The following ADGRL4 variants were observed in gnomAD, a reference collection of about 807,000 sequenced individuals.
The protein encoded by ADGRL4 is EGF, latrophilin and seven transmembrane domain containing 1.
ADGRL4 carries 90 observed loss-of-function variants against 74.8 expected under a neutral mutation model. The observed-to-expected ratio is 1.20, with a 90% CI of 1.02 to 1.43. ADGRL4 has a LOEUF of 1.43. Among genes scored for constraint, ADGRL4 ranks in the 40% most tolerant of loss-of-function variants. The pLI is 0.00. For synonymous variants in ADGRL4, 311 were observed against 279.2 expected (o/e 1.11, Z -1.14); for missense variants, 881 against 814.3 (o/e 1.08, Z -1.00).
rs140382409 is a variant in ADGRL4 at position 78,907,616 on chromosome 1, T to C, written c.1749+10018A>G. Among the ~76,000 whole-genome samples the C allele has an allele frequency of 5.3e-3, 809 of 152,122 alleles. 11 individuals carry two copies. Among genetic ancestry groups the C allele is most frequent in the Non-Finnish European group, 8.5e-3 (580 of 67,976 alleles). ...AACAATGAGACTTATTATGGACTAA[T>C]GAATCAAGCGGGACTTTCCTTGGAA... is the stretch of plus-strand genomic sequence containing the variant. On this transcript the variant is annotated intron_variant, in intron 12 of 14. Coordinates refer to ENST00000370742, the MANE Select transcript of ADGRL4 (RefSeq NM_022159.4).
chr1:78,982,028 G>A (rs1650406289), intron 2 of ADGRL4, among the ~76,000 whole-genome samples: 1 of 151,578 alleles, frequency 6.6e-6, no homozygotes, highest in African/African-American at 2.4e-5. Flanking sequence ...AATACATGTT[G>A]GTAGTTCGCT....
At chr1:78,988,640 T>A (rs1650543959) in intron 2 of ADGRL4, among the ~76,000 whole-genome samples, 1 of 151,800 alleles carries the variant, frequency 6.6e-6, no homozygotes, top group Non-Finnish European at 1.5e-5. Context: ...ATTCCAGTCA[T>A]CCCTCTCAAC....
intron 12 of ADGRL4, among the ~76,000 whole-genome samples, chr1:78,906,697 A>T (rs972748663): frequency 2.0e-5 from 3 of 152,040 alleles, no homozygotes; most frequent in African/African-American, 7.2e-5. Flanking sequence ...AGAGGTTAGT[A>T]AGAATCAAAC....
chr1:78,908,020 C>T (rs539402178), intron 12 of ADGRL4, among the ~76,000 whole-genome samples: 8 of 152,090 alleles, frequency 5.3e-5, no homozygotes, highest in African/African-American at 1.9e-4. Context: ...AGAAAGAAAT[C>T]AAGACCAAGC....
intron 2 of ADGRL4, among the ~76,000 whole-genome samples, chr1:78,968,237 G>C (rs1416935486): frequency 6.6e-6 from 1 of 151,876 alleles, no homozygotes; most frequent in Non-Finnish European, 1.5e-5. Flanking sequence ...TCCAACTGTG[G>C]GAGTTCAGTC....
rs566584588 is a variant in ADGRL4, at chr1:78,898,317, T to C, written c.1750-5128A>G. Among the ~76,000 whole-genome samples the C allele has an allele frequency of 1.2e-4, 19 of 152,076 alleles. 1 individual carries two copies. Among genetic ancestry groups the C allele is most frequent in the African/African-American group, 4.6e-4 (19 of 41,508 alleles). On this transcript the variant is annotated intron_variant, in intron 12 of 14. Transcript: ENST00000370742. ...GTAAATCTTTAAAATGTAAGAAAAATCATTGGTATTCATCTGAATTAAGAA... is the reference window on the plus strand; with the variant it reads ...GTAAATCTTTAAAATGTAAGAAAAACCATTGGTATTCATCTGAATTAAGAA...
chr1:78,973,518 A>T (rs975237444), intron 2 of ADGRL4, among the ~76,000 whole-genome samples: 1 of 147,348 alleles, frequency 6.8e-6, no homozygotes, highest in Non-Finnish European at 1.5e-5. Context: ...ATAAAATGTA[A>T]CACACGCAAA....
chr1:78,965,143 T>TA (rs1428455237), intron 2 of ADGRL4, among the ~76,000 whole-genome samples: 1 of 152,178 alleles, frequency 6.6e-6, no homozygotes, highest in Non-Finnish European at 1.5e-5. Flanking sequence ...AGAGTTCTAG[T>TA]AAAATGCAAA....
At chr1:78,974,894 T>C (rs1478464945) in intron 2 of ADGRL4, among the ~76,000 whole-genome samples, 3 of 152,172 alleles carry the variant, frequency 2.0e-5, no homozygotes, top group Non-Finnish European at 2.9e-5. Context: ...TAGTTAGCAA[T>C]CTTAATTCCA....
At chr1:78,984,952 G>A (rs1410266297) in intron 2 of ADGRL4, among the ~76,000 whole-genome samples, 1 of 151,592 alleles carries the variant, frequency 6.6e-6, no homozygotes, top group Non-Finnish European at 1.5e-5. Context: ...ATGGCAAATG[G>A]TCAACTAGTA....
At chr1:78,948,097 C>T (rs1199131587) in intron 2 of ADGRL4, among the ~76,000 whole-genome samples, 2 of 152,206 alleles carry the variant, frequency 1.3e-5, no homozygotes, top group Admixed American at 1.3e-4. Flanking sequence ...TTTGTGGCAT[C>T]AGATAGCTTT....
At chr1:79,006,587 T>C in intron 1 of ADGRL4, 46 bp downstream of exon 1, 1 of 1,532,664 alleles carries the variant, frequency 6.5e-7, no homozygotes, top group Non-Finnish European at 8.8e-7. Context: ...CTACAAGGGA[T>C]TGGTCCCTCC....
intron 2 of ADGRL4, among the ~76,000 whole-genome samples, chr1:78,963,743 G>A (rs1650000617): frequency 6.6e-6 from 1 of 151,854 alleles, no homozygotes; most frequent in African/African-American, 2.4e-5. Flanking sequence ...ATGTATACAT[G>A]GTAAAAATCA....
At position 78,917,876 on chromosome 1, in the gene ADGRL4, C is replaced by T. The variant is rs1648911326; in HGVS notation, c.1636G>A (p.Gly546Arg). ...FGYLSPAVVV[G>R]FSAALGYRYY... Reference sequence around the variant, plus strand: ...CTGTATCCTAGTGCTGCCGAAAATCCAACTACCACGGCTGGGCTTAGATAG... The same window carrying T: ...CTGTATCCTAGTGCTGCCGAAAATCTAACTACCACGGCTGGGCTTAGATAG... Residue 546 changes from glycine to arginine, a missense_variant, in exon 11 of 15, where the codon GGA becomes AGA. Physicochemically the swap from Gly to Arg is moderately radical, Grantham distance 125. Coordinates refer to ENST00000370742, the MANE Select transcript of ADGRL4 (RefSeq NM_022159.4). 6.2e-7 allele frequency: 1 copy of T among 1,612,462 alleles called. No homozygotes were observed. The highest frequency in any genetic ancestry group is 8.5e-7 in the Non-Finnish European group (1 of 1,179,114).
intron 2 of ADGRL4, among the ~76,000 whole-genome samples, chr1:78,996,671 CCT>C (rs1650722270): frequency 6.6e-6 from 1 of 152,272 alleles, no homozygotes; most frequent in Non-Finnish European, 1.5e-5. Flanking sequence ...CATGGTTGAT[CCT>C]CTGTTTCTCA....
At position 78,926,962 on chromosome 1, in the gene ADGRL4, A is replaced by G. The variant is rs1054156889; in HGVS notation, c.1007T>C (p.Ile336Thr). ...TGGGTTTGAGCTCATTGAGACTGAA[A>G]TTACTGAAGATATGACTCTTTCCTC... ...EEEERVISSV[I>T]SVSMSSNPPT... The change falls in exon 8 of 15, where the codon ATT becomes ACT. Residue 336 changes from isoleucine to threonine, a missense_variant. By Grantham distance (89) the Ile-to-Thr change is moderately conservative (BLOSUM62 -1). Transcript: ENST00000370742. 5.6e-6 allele frequency: 9 copies of G among 1,612,222 alleles called. No individual in the cohort carries two copies. Among genetic ancestry groups the G allele is most frequent in the African/African-American group, 1.3e-5 (1 of 74,862 alleles).
Position 78,890,362 on chromosome 1 carries a change from C to T in ADGRL4, c.*792G>A, listed in dbSNP as rs1188332228. On this transcript the variant is annotated 3_prime_UTR_variant, in exon 15 of 15. Coordinates refer to ENST00000370742, the MANE Select transcript of ADGRL4 (RefSeq NM_022159.4). ...AGGTATAAACAATATTATATCTTGA[C>T]ACATTTATATTTTACTGATTAACTA... The T allele has an allele frequency of 6.6e-6, 1 of 151,738 alleles. No homozygotes were observed. The highest frequency in any genetic ancestry group is 2.4e-5 in the African/African-American group (1 of 41,354). The allele number at this position is 151,738 out of a possible 1,614,324, so 9.4% of individuals were successfully genotyped here.
intron 2 of ADGRL4, among the ~76,000 whole-genome samples, chr1:78,961,881 T>C (rs1468309150): frequency 6.6e-6 from 1 of 151,830 alleles, no homozygotes; most frequent in Non-Finnish European, 1.5e-5. Context: ...CAGGCTATAA[T>C]TCTTTTTTTT....
At chr1:78,894,289 C>A (rs1042143884) in intron 12 of ADGRL4, among the ~76,000 whole-genome samples, 7 of 151,810 alleles carry the variant, frequency 4.6e-5, no homozygotes, top group African/African-American at 1.4e-4. Flanking sequence ...CTGAGAATTT[C>A]ATGTTGCCAC....
Sources: gnomAD v4.1 joint callset for allele counts (sites outside exome capture counted in the v4.1 genomes callset) on GRCh38, gnomAD v4.1.1 for gene constraint, MANE v1.5 for transcripts, NCBI Gene and HGNC (gene_info 2026-07-23, HGNC 2026-07-21) for gene names.